The following SLCO1A2 variants were observed in gnomAD, a reference collection of about 807,000 sequenced individuals.
SLCO1A2 encodes OATP-1.
SLCO1A2 carries 67 observed loss-of-function variants against 69.0 expected under a neutral mutation model. The observed-to-expected ratio is 0.97, with a 90% CI of 0.80 to 1.19. The LOEUF (loss-of-function observed/expected upper bound fraction) is 1.19. Ranked by LOEUF, SLCO1A2 falls within the 50% of genes most tolerant of loss-of-function variation. The pLI, the probability that SLCO1A2 is intolerant of heterozygous loss-of-function variation, is 0.00. For missense variants in SLCO1A2, 787 were observed against 793.7 expected (o/e 0.99, Z 0.10); for synonymous variants, 260 against 265.9 (o/e 0.98, Z 0.22).
At chr12:21,336,607 T>C (rs896093705), upstream of SLCO1A2, among the ~76,000 whole-genome samples, 1 of 152,066 alleles carries the variant, frequency 6.6e-6, no homozygotes, top group African/African-American at 2.4e-5. Flanking sequence ...TATTTTCAGA[T>C]ACATTTCAAA....
chr12:21,335,597 G>C (rs113286177), upstream of SLCO1A2, among the ~76,000 whole-genome samples: 653 of 152,130 alleles, frequency 4.3e-3, 10 homozygotes, highest in African/African-American at 0.015. Context: ...TTTCTAGAAT[G>C]ATTTCTTAAC....
intron 3 of SLCO1A2, among the ~76,000 whole-genome samples, chr12:21,315,234 G>C (rs1421700930): frequency 6.6e-6 from 1 of 152,072 alleles, no homozygotes; most frequent in Non-Finnish European, 1.5e-5. Context: ...CCCTAGATCA[G>C]ACAATGCAGT....
At chr12:21,300,247 T>C in intron 8 of SLCO1A2, 101 bp downstream of exon 8, 1 of 767,832 alleles carries the variant, frequency 1.3e-6, no homozygotes, top group Non-Finnish European at 2.0e-6. Flanking sequence ...TGACAAATTG[T>C]CTCAACACAG....
chr12:21,265,635 T>C lies in SLCO1A2; in HGVS notation c.*3913A>G, dbSNP rs1327127354. On this transcript the variant is annotated 3_prime_UTR_variant, in exon 15 of 15. Coordinates refer to ENST00000683939, the MANE Select transcript of SLCO1A2 (RefSeq NM_001386879.1). ...ACAGGACCCAGTTACTCATCCTCTT[T>C]TATGCCTCTTGGGATTCTACAGAAA... The C allele has an allele frequency of 6.6e-6, 1 of 152,178 alleles. No individual in the cohort carries two copies. The highest frequency in any genetic ancestry group is 1.9e-4 in the East Asian group (1 of 5,190). The allele number at this position is 152,178 out of a possible 1,614,324, so 9.4% of individuals were successfully genotyped here. A position where few individuals can be genotyped will look rare whatever the true frequency, so the allele number is the denominator to read the frequency against.
chr12:21,401,471 T>C (rs192754316), intron 1 of SLCO1A2, among the ~76,000 whole-genome samples: 1 of 152,018 alleles, frequency 6.6e-6, no homozygotes, highest in Admixed American at 6.5e-5. Context: ...AGAAAAATTA[T>C]CATGCTTACT....
chr12:21,301,577 G>A lies in SLCO1A2; in HGVS notation c.590-308C>T, dbSNP rs537164926. Among the ~76,000 whole-genome samples the A allele has an allele frequency of 2.9e-4, 44 of 152,266 alleles. No individual in the cohort carries two copies. The Middle Eastern group carries it at 0.01, about 35-fold the overall frequency. On this transcript the variant is annotated intron_variant, in intron 6 of 14. Transcript: ENST00000683939. ...CTGGGATCATGCCATTGACTAGGTC[G>A]TGATATAACCAAGGTCCTGTTAATT... is the stretch of plus-strand genomic sequence containing the variant.
chr12:21,297,454 T>C lies in SLCO1A2; in HGVS notation c.1025A>G (p.Tyr342Cys), dbSNP rs1303862396. 5 of 1,612,872 alleles carry C rather than the reference T, an allele frequency of 3.1e-6. No homozygotes were observed. The East Asian group carries it at 6.7e-5, about 22-fold the overall frequency. ...FVNMISFMPK[Y>C]LEQQYGISSS... ...TGATATTCCATATTGCTGTTCTAGGTATTTAGGCATGAAGGAGATCATGTT... is the reference window on the plus strand; with the variant it reads ...TGATATTCCATATTGCTGTTCTAGGCATTTAGGCATGAAGGAGATCATGTT... The change falls in exon 9 of 15, where the codon TAC becomes TGC. Residue 342 changes from tyrosine to cysteine, a missense_variant. Physicochemically the swap from Tyr to Cys is radical, Grantham distance 194. Coordinates refer to ENST00000683939, the MANE Select transcript of SLCO1A2 (RefSeq NM_001386879.1).
chr12:21,311,994 AGGAGGAGG>A (rs1950236864), intron 4 of SLCO1A2, among the ~76,000 whole-genome samples: 1 of 151,158 alleles, frequency 6.6e-6, no homozygotes, highest in African/African-American at 2.4e-5. Flanking sequence ...GAGGAAGAGG[AGGAGGAGG>A]AGAAGAAGAG....
intron 2 of SLCO1A2, among the ~76,000 whole-genome samples, chr12:21,345,259 G>A (rs1953215895): frequency 6.6e-6 from 1 of 151,926 alleles, no homozygotes; most frequent in African/African-American, 2.4e-5. Context: ...AAATACATGT[G>A]AAAGTAGCAT....
At chr12:21,399,452 A>C (rs1333357161), upstream of SLCO1A2, among the ~76,000 whole-genome samples, 6 of 31,546 alleles carry the variant, frequency 1.9e-4, no homozygotes, top group African/African-American at 2.6e-4. Flanking sequence ...CATACTGCCC[A>C]AGGTAATTTA....
intron 2 of SLCO1A2, chr12:21,319,717 A>C: frequency 3.7e-6 from 1 of 273,128 alleles, no homozygotes; most frequent in Non-Finnish European, 7.3e-6. Flanking sequence ...TATACTATAA[A>C]TTTCCATAGG....
At chr12:21,319,401 G>C (rs767583874) in intron 2 of SLCO1A2, 4 of 1,367,796 alleles carry the variant, frequency 2.9e-6, no homozygotes, top group East Asian at 4.5e-5. Context: ...TCCTGTTCTT[G>C]CTTGCAATTC....
Position 21,301,215 on chromosome 12 carries a change from G to A in SLCO1A2, c.644C>T (p.Ser215Leu), listed in dbSNP as rs1282242208. The A allele has an allele frequency of 1.2e-6, 2 of 1,612,564 alleles. No homozygotes were observed. The highest frequency in any genetic ancestry group is 1.7e-6 in the Non-Finnish European group (2 of 1,179,406). The change falls in exon 7 of 15, where the codon TCA (serine) becomes TTA (leucine). Residue 215 changes from serine (S) to leucine (L), a missense_variant. Ser to Leu is a moderately radical substitution (Grantham distance 145, BLOSUM62 -2). Transcript: ENST00000683939. ...IGPLIGLLLA[S>L]FCANVYVDTG... ...GTCAACATAAACATTTGCACAGAAT[G>A]ATGCCAACAAAAGTCCAATCAAAGG...
In SLCO1A2 at chr12:21,363,742, A is replaced by G. The variant is rs560014488; in HGVS notation, c.-63+10657T>C. 6.9e-4 allele frequency among the ~76,000 whole-genome samples: 105 copies of G among 152,338 alleles called. 1 individual carries two copies. The highest frequency in any genetic ancestry group is 2.5e-3 in the African/African-American group (104 of 41,576). On this transcript the variant is annotated intron_variant, in intron 2 of 15. Coordinates refer to the SLCO1A2 transcript ENST00000307378. ...CACCATCGATCCTACAGAAATACAA[A>G]CTACTATCAGAGAATACTATAAACA...
chr12:21,379,351 A>T (rs984441577), intron 1 of SLCO1A2: 1 of 152,234 alleles, frequency 6.6e-6, no homozygotes, highest in East Asian at 1.9e-4. Flanking sequence ...GTGAGCTTCT[A>T]TTAAATGTAT....
intron 2 of SLCO1A2, among the ~76,000 whole-genome samples, chr12:21,364,674 A>G (rs1013781908): frequency 6.6e-6 from 1 of 152,206 alleles, no homozygotes; most frequent in African/African-American, 2.4e-5. Flanking sequence ...AAATCTCCTT[A>G]AGCTGATAAG....
Position 21,292,296 on chromosome 12 carries a change from G to T in SLCO1A2, c.1478C>A (p.Ser493Ter), listed in dbSNP as rs746068777. ...GTCGCACAGCCCAAGAACTGCAGAT[G>T]AATTTCCTGATGTTTGAATACAGCT... is the stretch of plus-strand genomic sequence containing the variant. ...NCSCIQTSGNSSAVLGLCDKG... is the reference protein window; with the variant it reads ...NCSCIQTSGN Residue 493 changes from serine to a stop codon, truncating the protein, a stop_gained, in exon 12 of 15, where the codon TCA becomes TAA. Coordinates refer to ENST00000683939, the MANE Select transcript of SLCO1A2 (RefSeq NM_001386879.1). LOFTEE classifies it high-confidence loss of function. 9 of 1,611,666 alleles carry T rather than the reference G, an allele frequency of 5.6e-6. No homozygotes were observed. Among genetic ancestry groups the T allele is most frequent in the Admixed American group, 1.7e-5 (1 of 59,852 alleles).
chr12:21,322,913 A>G (rs1951815567), intron 2 of SLCO1A2, among the ~76,000 whole-genome samples: 1 of 152,174 alleles, frequency 6.6e-6, no homozygotes, highest in Non-Finnish European at 1.5e-5. Flanking sequence ...AGGCAACAGC[A>G]ATGTCTACCA....
chr12:21,361,282 G>A (rs1471833719), intron 2 of SLCO1A2, among the ~76,000 whole-genome samples: 1 of 152,236 alleles, frequency 6.6e-6, no homozygotes. Flanking sequence ...AGGGTCTGGA[G>A]TGGACCTCCA....
Sources: gnomAD v4.1 joint callset for allele counts (sites outside exome capture counted in the v4.1 genomes callset) on GRCh38, gnomAD v4.1.1 for gene constraint, MANE v1.5 for transcripts, NCBI Gene and HGNC (gene_info 2026-07-23, HGNC 2026-07-21) for gene names.